The following HTR2C variants were observed in gnomAD, a reference collection of about 807,000 sequenced individuals.
HTR2C encodes 5-hydroxytryptamine (serotonin) receptor 2C, G protein-coupled.
HTR2C carries 5 observed loss-of-function variants against 21.0 expected under a neutral mutation model. The observed-to-expected ratio is 0.24, with a 90% CI of 0.12 to 0.50. The LOEUF is 0.50. Among genes scored for constraint, HTR2C ranks in the 20% least tolerant of loss-of-function variants. The pLI is 0.98. For synonymous variants in HTR2C, 150 were observed against 145.3 expected (o/e 1.03, Z -0.23); for missense variants, 271 against 371.2 (o/e 0.73, Z 2.22).
chrX:114,724,460 T>C (rs1162768013), intron 2 of HTR2C, among the ~76,000 whole-genome samples: 2 of 99,328 alleles, frequency 2.0e-5, no homozygotes, highest in Non-Finnish European at 4.1e-5. Flanking sequence ...GGGTCTTGAC[T>C]CTTTATCCAA....
At chrX:114,614,727 A>T (rs1928886714) in intron 2 of HTR2C, among the ~76,000 whole-genome samples, 1 of 111,949 alleles carries the variant, frequency 8.9e-6, no homozygotes, top group Non-Finnish European at 1.9e-5. Context: ...TGTTTCTCAA[A>T]AGGGAGTATC....
intron 2 of HTR2C, among the ~76,000 whole-genome samples, chrX:114,615,154 A>G (rs1011715474): frequency 4.3e-4 from 48 of 111,745 alleles, no homozygotes; most frequent in African/African-American, 1.1e-3. Context: ...GCACATGTTA[A>G]TAATGATCAA....
chrX:114,645,556 A>G (rs141590312), intron 2 of HTR2C, among the ~76,000 whole-genome samples: 1,979 of 111,440 alleles, frequency 0.018, 51 homozygotes, highest in African/African-American at 0.061. Flanking sequence ...AGAAGCATAA[A>G]GGATAAAGTT....
chrX:114,845,636 A>G (rs2070867980), intron 4 of HTR2C, among the ~76,000 whole-genome samples: 1 of 111,099 alleles, frequency 9.0e-6, no homozygotes, highest in African/African-American at 3.3e-5. Flanking sequence ...AGACTAAGGA[A>G]AAAAGAGAAG....
intron 2 of HTR2C, among the ~76,000 whole-genome samples, chrX:114,637,124 AT>A (rs201766228): frequency 1.6e-4 from 18 of 109,858 alleles, no homozygotes; most frequent in East Asian, 5.7e-4. Context: ...TTTTAAGTGT[AT>A]TTTTTTTTCA....
chrX:114,687,726 A>G (rs377030139), intron 2 of HTR2C, among the ~76,000 whole-genome samples: 1 of 111,730 alleles, frequency 9.0e-6, no homozygotes, highest in South Asian at 3.7e-4. Flanking sequence ...TCATAGATAA[A>G]TGTAAAGTGC....
At chrX:114,743,479 A>T (rs1334506345) in intron 4 of HTR2C, among the ~76,000 whole-genome samples, 2 of 112,372 alleles carry the variant, frequency 1.8e-5, no homozygotes, top group African/African-American at 6.5e-5. Context: ...ATCTAAATTT[A>T]AAAAATATAT....
chrX:114,626,059 A>T (rs1556402744), intron 2 of HTR2C, among the ~76,000 whole-genome samples: 1 of 111,510 alleles, frequency 9.0e-6, no homozygotes, highest in Non-Finnish European at 1.9e-5. Context: ...AGTGTGCATT[A>T]GAACCAAAAA....
intron 1 of HTR2C, among the ~76,000 whole-genome samples, chrX:114,603,995 C>T (rs1928269837): frequency 1.9e-5 from 2 of 104,766 alleles, no homozygotes; most frequent in South Asian, 4.6e-4. Context: ...CTGTAGCAGG[C>T]GAGTGATAAC....
intron 5 of HTR2C, among the ~76,000 whole-genome samples, chrX:114,854,331 CATAA>C (rs2070941902): frequency 9.0e-6 from 1 of 111,157 alleles, no homozygotes. Context: ...TACATGTTAA[CATAA>C]ATAATTAGCT....
chrX:114,880,209 C>T lies in HTR2C; in HGVS notation c.551-26380C>T, dbSNP rs782636184. 1.6e-4 allele frequency among the ~76,000 whole-genome samples: 18 copies of T among 110,170 alleles called. No homozygotes were observed. The Admixed American group carries it at 1.8e-3, about 11-fold the overall frequency. ...AAATATATTTATTAGGAACCATTCT[C>T]CATTTTCCCCTCTCCCCAGCTCCTA... On this transcript the variant is annotated intron_variant, in intron 5 of 5. Coordinates refer to ENST00000276198, the MANE Select transcript of HTR2C (RefSeq NM_000868.4).
chrX:114,895,647 A>G (rs782036445), intron 5 of HTR2C, among the ~76,000 whole-genome samples: 3 of 111,180 alleles, frequency 2.7e-5, no homozygotes, highest in Non-Finnish European at 3.8e-5. Context: ...TTAGATTACT[A>G]ATTTTAACCA....
At chrX:114,742,739 T>TA (rs1371885344) in intron 4 of HTR2C, among the ~76,000 whole-genome samples, 9 of 94,264 alleles carry the variant, frequency 9.5e-5, no homozygotes, top group Admixed American at 1.2e-4. Flanking sequence ...TTTTTTTTTT[T>TA]TTATTATACT....
At chrX:114,641,055 T>TTTTTCTTTTCTTTTCTTTTC (rs1556406338) in intron 2 of HTR2C, among the ~76,000 whole-genome samples, 1 of 101,426 alleles carries the variant, frequency 9.9e-6, no homozygotes, top group African/African-American at 3.9e-5. Flanking sequence ...TTTCTTTCTT[T>TTTTTCTTTTCTTTTCTTTTC]TTTTCTTTTC....
chrX:114,653,128 A>G (rs1389987337), intron 2 of HTR2C, among the ~76,000 whole-genome samples: 9 of 108,629 alleles, frequency 8.3e-5, no homozygotes, highest in African/African-American at 3.0e-4. Flanking sequence ...CCTCTTTGTC[A>G]CTTAGCTTTT....
chrX:114,633,947 T>TATATATATATATAGAG (rs201763901), intron 2 of HTR2C, among the ~76,000 whole-genome samples: 2 of 92,195 alleles, frequency 2.2e-5, no homozygotes, highest in African/African-American at 7.9e-5. Flanking sequence ...TATATATATA[T>TATATATATATATAGAG]AGAGAGAGAG....
chrX:114,738,983 A>G (rs1176311484), intron 4 of HTR2C, among the ~76,000 whole-genome samples: 8 of 110,387 alleles, frequency 7.2e-5, no homozygotes, highest in African/African-American at 2.0e-4. Flanking sequence ...AATATTGATA[A>G]TTATATTAAT....
At chrX:114,811,697 A>G (rs782551642) in intron 4 of HTR2C, among the ~76,000 whole-genome samples, 6 of 112,407 alleles carry the variant, frequency 5.3e-5, no homozygotes, top group Non-Finnish European at 1.1e-4. Flanking sequence ...GTGAGTGTGT[A>G]TCTAAATGCA....
At chrX:114,840,539 C>A (rs1556465285) in intron 4 of HTR2C, among the ~76,000 whole-genome samples, 1 of 110,977 alleles carries the variant, frequency 9.0e-6, no homozygotes, top group Non-Finnish European at 1.9e-5. Context: ...GAAACAATAT[C>A]AAATGCTCTA....
Sources: gnomAD v4.1 joint callset for allele counts (sites outside exome capture counted in the v4.1 genomes callset) on GRCh38, gnomAD v4.1.1 for gene constraint, MANE v1.5 for transcripts, NCBI Gene and HGNC (gene_info 2026-07-23, HGNC 2026-07-21) for gene names.